EYS: variants seen among roughly 807,000 people sequenced by gnomAD.
EYS encodes the protein EGF-like photoreceptor maintenance factor.
EYS carries 250 observed loss-of-function variants against 282.1 expected under a neutral mutation model. That is an observed-to-expected ratio of 0.89 (90% CI 0.80 to 0.98). The LOEUF is 0.98. EYS is among the 50% of genes least tolerant of loss of function. EYS has a pLI of 0.00. For missense variants in EYS, 4,016 were observed against 3,709.0 expected (o/e 1.08, Z -2.15); for synonymous variants, 1,355 against 1,282.9 (o/e 1.06, Z -1.20).
intron 35 of EYS, among the ~76,000 whole-genome samples, chr6:63,979,244 C>T (rs552806408): frequency 2.0e-4 from 31 of 152,034 alleles, no homozygotes; most frequent in African/African-American, 7.5e-4. Context: ...TGGCTGCATT[C>T]CTGCTACAAT....
At chr6:64,805,951 T>G (rs1006059355) in intron 22 of EYS, among the ~76,000 whole-genome samples, 1 of 151,498 alleles carries the variant, frequency 6.6e-6, no homozygotes, top group Non-Finnish European at 1.5e-5. Flanking sequence ...TTCATTATTA[T>G]GAGATGAAAT....
At position 64,749,235 on chromosome 6, in the gene EYS, T is replaced by C. The variant is rs138799887; in HGVS notation, c.3443+64143A>G. ...AAAATGAGATATACAATTACATTAA[T>C]AAAAATTGTAACAGACTATTGATGT... On this transcript the variant is annotated intron_variant, in intron 22 of 42. Transcript: ENST00000503581. Among the ~76,000 whole-genome samples, 1,451 of 152,312 alleles carry C rather than the reference T, an allele frequency of 9.5e-3. 24 individuals carry two copies. The highest frequency in any genetic ancestry group is 0.033 in the African/African-American group (1,362 of 41,560).
chr6:64,089,376 A>G (rs1479652842), intron 31 of EYS, among the ~76,000 whole-genome samples: 3 of 150,090 alleles, frequency 2.0e-5, no homozygotes, highest in Non-Finnish European at 3.0e-5. Flanking sequence ...CTCAAGATAC[A>G]TGAAATTTTA....
At chr6:64,087,252 A>G (rs1018339159) in intron 31 of EYS, among the ~76,000 whole-genome samples, 1 of 152,164 alleles carries the variant, frequency 6.6e-6, no homozygotes, top group Admixed American at 6.5e-5. Flanking sequence ...ACAAACATCT[A>G]TCAAGTGACT....
At chr6:65,582,198 C>CAAAT (rs3049810) in intron 2 of EYS, among the ~76,000 whole-genome samples, 74,562 of 142,996 alleles carry the variant, frequency 0.52, 20,660 homozygotes, top group East Asian at 0.72. Flanking sequence ...TCCATCTCAA[C>CAAAT]AAATAAATAA....
chr6:65,495,593 ATGT>A lies in EYS; in HGVS notation c.-186_-184del, dbSNP rs2127272237. Reference sequence around the variant, plus strand: ...CTTTGATGGAGAAACAGGAATTCAAATGTTGTAAATATTCCTTTAAACAGAAAA... The same window carrying A: ...CTTTGATGGAGAAACAGGAATTCAAATGTAAATATTCCTTTAAACAGAAAA... On this transcript the variant is annotated 5_prime_UTR_variant, in exon 4 of 43. Transcript: ENST00000503581. 1.6e-6 allele frequency: 1 copy of A among 624,498 alleles called. No individual in the cohort carries two copies. The highest frequency in any genetic ancestry group is 2.8e-6 in the Non-Finnish European group (1 of 357,168). 38.7% of individuals were successfully genotyped at this position (624,498 alleles called of 1,614,324 possible).
intron 12 of EYS, among the ~76,000 whole-genome samples, chr6:65,190,393 A>G (rs1334397513): frequency 6.6e-6 from 1 of 150,454 alleles, no homozygotes; most frequent in East Asian, 2.0e-4. Context: ...ATTCATCGTT[A>G]TTCATTGTTA....
At chr6:64,812,744 T>C (rs892225649) in intron 22 of EYS, among the ~76,000 whole-genome samples, 1 of 150,748 alleles carries the variant, frequency 6.6e-6, no homozygotes, top group Admixed American at 6.7e-5. Context: ...AGGTCAAGTA[T>C]GTGTGTATAT....
intron 12 of EYS, among the ~76,000 whole-genome samples, chr6:65,126,082 A>G (rs1775710048): frequency 6.6e-6 from 1 of 152,152 alleles, no homozygotes; most frequent in Admixed American, 6.5e-5. Context: ...CTAGTGAGAC[A>G]CCAACAAGTC....
In EYS at chr6:64,993,587, GA is replaced by G. The variant is rs1488003088; in HGVS notation, c.2259+3994del. Among the ~76,000 whole-genome samples the G allele has an allele frequency of 7.2e-3, 697 of 97,292 alleles. 9 individuals carry two copies. Among genetic ancestry groups the G allele is most frequent in the African/African-American group, 0.027 (657 of 24,432 alleles). The allele number at this position is 97,292 out of a possible 152,430, so 63.8% of individuals were successfully genotyped here. ...ACTGGGGTCTCTTGTGGGGTGGGGG[GA>G]GGGGGGAGGGATAGCATTAGGAGAT... is the stretch of plus-strand genomic sequence containing the variant. On this transcript the variant is annotated intron_variant, in intron 14 of 42. Transcript: ENST00000503581.
intron 36 of EYS, among the ~76,000 whole-genome samples, chr6:63,842,977 G>T (rs1772001412): frequency 6.6e-6 from 1 of 152,088 alleles, no homozygotes; most frequent in Non-Finnish European, 1.5e-5. Context: ...TATCTGTTTT[G>T]GTACCAGTAC....
rs976643386 is a variant in EYS, at chr6:64,997,593, C to G, written c.2248G>C (p.Asp750His). ...CAGTGGATACTAACGAGATGCAGGT[C>G]TTTGCAGGTAGAATTGTGCTCACAG... ...NACEHNSTCK[D>H]LHLSYQCVCL... is the part of the protein sequence containing the mutation. Residue 750 changes from aspartate (D) to histidine (H), a missense_variant, in exon 14 of 43, where the codon GAC becomes CAC. Coordinates refer to ENST00000503581, the MANE Select transcript of EYS (RefSeq NM_001142800.2). The G allele has an allele frequency of 3.2e-6, 5 of 1,550,950 alleles. No homozygotes were observed. The African/African-American group carries it at 6.8e-5, about 21-fold the overall frequency.
At chr6:65,284,070 C>T (rs1474001917) in intron 12 of EYS, among the ~76,000 whole-genome samples, 3 of 152,090 alleles carry the variant, frequency 2.0e-5, no homozygotes, top group African/African-American at 7.2e-5. Flanking sequence ...GATTCTGGAG[C>T]GATTGCTTTC....
intron 31 of EYS, among the ~76,000 whole-genome samples, chr6:64,133,499 C>T (rs1451698927): frequency 6.6e-6 from 1 of 150,610 alleles, no homozygotes; most frequent in Non-Finnish European, 1.5e-5. Context: ...CACACACACA[C>T]ACACACACAC....
chr6:64,798,387 T>C (rs995221553), intron 22 of EYS, among the ~76,000 whole-genome samples: 1 of 151,930 alleles, frequency 6.6e-6, no homozygotes, highest in Admixed American at 6.6e-5. Context: ...AAGCTATTTA[T>C]GGATCTACAG....
chr6:64,962,836 T>C (rs996956562), intron 14 of EYS, among the ~76,000 whole-genome samples: 2 of 152,136 alleles, frequency 1.3e-5, no homozygotes, highest in African/African-American at 4.8e-5. Context: ...AAGTATATCT[T>C]AATTAAAAAA....
chr6:65,208,809 G>A (rs540137445), intron 12 of EYS, among the ~76,000 whole-genome samples: 2 of 151,806 alleles, frequency 1.3e-5, no homozygotes, highest in Admixed American at 1.3e-4. Context: ...TGGTTGGAGG[G>A]GATTGATGCT....
At chr6:63,911,906 TG>T (rs1483757125) in intron 35 of EYS, among the ~76,000 whole-genome samples, 1 of 152,206 alleles carries the variant, frequency 6.6e-6, no homozygotes, top group Non-Finnish European at 1.5e-5. Flanking sequence ...TGTGCAAAGA[TG>T]AGTAAAACAT....
intron 12 of EYS, among the ~76,000 whole-genome samples, chr6:65,068,954 T>C (rs1773830238): frequency 6.6e-6 from 1 of 151,944 alleles, no homozygotes. Context: ...AAATACATCA[T>C]CCTTTCAAGA....
Sources: gnomAD v4.1 joint callset for allele counts (sites outside exome capture counted in the v4.1 genomes callset) on GRCh38, gnomAD v4.1.1 for gene constraint, MANE v1.5 for transcripts, NCBI Gene and HGNC (gene_info 2026-07-23, HGNC 2026-07-21) for gene names.